The following SHLD2 variants were observed in gnomAD, a reference collection of about 807,000 sequenced individuals.
SHLD2 encodes shieldin complex subunit 2.
SHLD2 carries 30 observed loss-of-function variants against 73.2 expected under a neutral mutation model. The observed-to-expected ratio is 0.41, with a 90% CI of 0.31 to 0.56. The LOEUF is 0.56. Ranked by LOEUF, SHLD2 falls within the 20% of genes least tolerant of loss-of-function variation. The probability of loss-of-function intolerance (pLI) is 0.28; values close to 1 mark genes in which losing one functional copy is unlikely to be tolerated. For synonymous variants in SHLD2, 285 were observed against 370.1 expected (o/e 0.77, Z 2.64); for missense variants, 745 against 1,055.9 (o/e 0.71, Z 4.08).
At chr10:87,165,984 A>G (rs974128185) in intron 4 of SHLD2, among the ~76,000 whole-genome samples, 4 of 152,192 alleles carry the variant, frequency 2.6e-5, no homozygotes, top group Admixed American at 2.6e-4. Flanking sequence ...ATAAAATTCA[A>G]CACTTGTTCA....
chr10:87,123,328 G>A (rs561309026), intron 2 of SHLD2, among the ~76,000 whole-genome samples: 185 of 151,666 alleles, frequency 1.2e-3, no homozygotes, highest in African/African-American at 4.4e-3. Flanking sequence ...CTAAGTGAGG[G>A]TCTCACTCTA....
chr10:87,126,075 G>GT (rs1169271849), intron 2 of SHLD2, among the ~76,000 whole-genome samples: 13 of 152,082 alleles, frequency 8.5e-5, no homozygotes, highest in Non-Finnish European at 1.2e-4. Context: ...GGAATATTGG[G>GT]TTTTTTTGTT....
At chr10:87,104,754 G>A (rs545082018) in intron 2 of SHLD2, among the ~76,000 whole-genome samples, 58 of 151,410 alleles carry the variant, frequency 3.8e-4, no homozygotes, top group Non-Finnish European at 7.4e-4. Flanking sequence ...TCCACTTCCC[G>A]GGTTCAAGTG....
chr10:87,132,447 A>G (rs923092477), intron 2 of SHLD2, among the ~76,000 whole-genome samples: 2 of 152,220 alleles, frequency 1.3e-5, no homozygotes, highest in African/African-American at 4.8e-5. Flanking sequence ...AGCTATTTTT[A>G]TCCATGATAA....
chr10:87,149,152 T>C lies in SHLD2; in HGVS notation c.-5-2198T>C, dbSNP rs528747653. On this transcript the variant is annotated intron_variant, in intron 2 of 9. Transcript: ENST00000298786. ...ATCCTCCCACTTCGGCCTCTCAAAGTGCGGGGATTACAGGCGTGAGCCACC... is the reference window on the plus strand; with the variant it reads ...ATCCTCCCACTTCGGCCTCTCAAAGCGCGGGGATTACAGGCGTGAGCCACC... Among the ~76,000 whole-genome samples, 88 of 151,862 alleles carry C rather than the reference T, an allele frequency of 5.8e-4. 2 individuals are homozygous for C. The highest frequency in any genetic ancestry group is 1.2e-3 in the East Asian group (6 of 5,118).
intron 6 of SHLD2, among the ~76,000 whole-genome samples, chr10:87,173,006 A>G (rs1032775300): frequency 7.3e-5 from 11 of 151,032 alleles, no homozygotes; most frequent in African/African-American, 2.7e-4. Flanking sequence ...TCAAGCATAT[A>G]TAAAAGCAGA....
intron 2 of SHLD2, among the ~76,000 whole-genome samples, chr10:87,113,436 A>G (rs926046680): frequency 3.9e-5 from 6 of 152,354 alleles, no homozygotes; most frequent in Middle Eastern, 3.4e-3. Flanking sequence ...AACCTTAAAA[A>G]CATTATGCTG....
At position 87,170,484 on chromosome 10, in the gene SHLD2, G is replaced by A. The variant is rs370350253; in HGVS notation, c.1640G>A (p.Ser547Asn). The part of the protein sequence containing the change: ...YSSIQPEEYS[S>N]VVSEVVLQDL... The stretch of plus-strand genomic sequence containing the variant: ...TATGTTTTTTTTCCCTTAGATTCCA[G>A]TGTAGTTAGTGAAGTTGTACTTCAA... The change falls in exon 5 of 10, where the codon AGT (serine) becomes AAT (asparagine). Residue 547 changes from serine (S) to asparagine (N), a missense_variant. Coordinates refer to ENST00000298786, the MANE Select transcript of SHLD2 (RefSeq NM_001330112.2). The A allele has an allele frequency of 8.9e-5, 140 of 1,575,728 alleles. No homozygotes were observed. The highest frequency in any genetic ancestry group is 1.1e-4 in the Non-Finnish European group (132 of 1,165,594).
intron 9 of SHLD2, among the ~76,000 whole-genome samples, chr10:87,190,028 G>T (rs934449793): frequency 1.3e-5 from 2 of 152,074 alleles, no homozygotes; most frequent in African/African-American, 4.8e-5. Context: ...CTTGTAACTA[G>T]AAAGAGAAGG....
At chr10:87,100,832 T>A (rs563749010) in intron 2 of SHLD2, among the ~76,000 whole-genome samples, 2 of 150,966 alleles carry the variant, frequency 1.3e-5, no homozygotes, top group Admixed American at 1.3e-4. Context: ...GTCTTCCAAA[T>A]TTTTTTTTTC....
At chr10:87,179,961 G>C (rs1589660917) in intron 7 of SHLD2, 114 bp from the exon 8 acceptor site, 2 of 735,046 alleles carry the variant, frequency 2.7e-6, no homozygotes, top group Non-Finnish European at 2.4e-6. Context: ...CAAGACCTCA[G>C]TGTATCCTTT....
chr10:87,136,628 C>A (rs879018497), intron 2 of SHLD2, among the ~76,000 whole-genome samples: 2 of 152,024 alleles, frequency 1.3e-5, no homozygotes, highest in Non-Finnish European at 1.5e-5. Flanking sequence ...TTGATGTATT[C>A]GGTTCCAGTT....
At chr10:87,144,388 A>G (rs1053221453) in intron 2 of SHLD2, among the ~76,000 whole-genome samples, 3 of 152,152 alleles carry the variant, frequency 2.0e-5, no homozygotes, top group Non-Finnish European at 4.4e-5. Context: ...ACCAAAGACA[A>G]TTGCAAAGGA....
chr10:87,095,115 G>A (rs1262525059), upstream of SHLD2: 1 of 143,492 alleles, frequency 7.0e-6, no homozygotes, highest in African/African-American at 2.5e-5. Context: ...GAGGAAGGGC[G>A]GGGAGGAGAG....
At chr10:87,138,163 C>T (rs2484794) in intron 2 of SHLD2, among the ~76,000 whole-genome samples, 104,859 of 151,732 alleles carry the variant, frequency 0.69, 36,813 homozygotes, top group East Asian at 0.84. Flanking sequence ...CCGGGTGTGG[C>T]GGTGCACACC....
At position 87,143,451 on chromosome 10, in the gene SHLD2, TC is replaced by T. The variant is rs570201414; in HGVS notation, c.-5-7894del. On this transcript the variant is annotated intron_variant, in intron 2 of 9. Transcript: ENST00000298786. ...CCTGGCAGCCATGATCCTCTTTTTT[TC>T]CCCCTTAGTTGTCAAACATGGGTTC... is the stretch of plus-strand genomic sequence containing the variant. 2.1e-3 allele frequency among the ~76,000 whole-genome samples: 315 copies of T among 152,288 alleles called. 1 individual carries two copies. The highest frequency in any genetic ancestry group is 7.2e-3 in the African/African-American group (301 of 41,574).
intron 2 of SHLD2, among the ~76,000 whole-genome samples, chr10:87,149,076 T>C (rs1360080531): frequency 6.6e-6 from 1 of 151,416 alleles, no homozygotes; most frequent in East Asian, 2.0e-4. Context: ...TTAGTAGAGA[T>C]GAAGTTTCGC....
chr10:87,174,932 G>A (rs111958333), intron 6 of SHLD2, among the ~76,000 whole-genome samples: 3 of 151,856 alleles, frequency 2.0e-5, no homozygotes, highest in African/African-American at 2.4e-5. Flanking sequence ...TGGCTAACAC[G>A]GTGAAACCCC....
intron 2 of SHLD2, among the ~76,000 whole-genome samples, chr10:87,110,505 G>C (rs1272420317): frequency 6.6e-6 from 1 of 151,060 alleles, no homozygotes; most frequent in Non-Finnish European, 1.5e-5. Context: ...TACTCAGGAG[G>C]CTGAGGCAGG....
Sources: gnomAD v4.1 joint callset for allele counts (sites outside exome capture counted in the v4.1 genomes callset) on GRCh38, gnomAD v4.1.1 for gene constraint, MANE v1.5 for transcripts, NCBI Gene and HGNC (gene_info 2026-07-23, HGNC 2026-07-21) for gene names.